AFF1: variants seen among roughly 807,000 people sequenced by gnomAD.
The protein encoded by AFF1 is AF4/FMR2 family member 1.
In AFF1, 48 loss-of-function variants were observed where a neutral mutation model predicts 121.7. The ratio of observed to expected loss-of-function variants is 0.39; its 90% CI spans 0.31 to 0.50. The LOEUF (loss-of-function observed/expected upper bound fraction) is 0.50, where lower values mean the gene tolerates loss of function less well. Ranked by LOEUF, AFF1 falls within the 20% of genes least tolerant of loss-of-function variation. AFF1 has a pLI of 0.76. For synonymous variants in AFF1, 613 were observed against 563.0 expected, an observed-to-expected ratio of 1.09 and a Z score of -1.26; for missense variants, 1,523 against 1,511.7, an observed-to-expected ratio of 1.01 and a Z score of -0.12.
intron 5 of AFF1, among the ~76,000 whole-genome samples, chr4:87,089,270 G>A (rs1205367090): frequency 6.6e-6 from 1 of 152,064 alleles, no homozygotes; most frequent in Non-Finnish European, 1.5e-5. Flanking sequence ...TGACATACCT[G>A]TTTTCAACAA....
intron 2 of AFF1, among the ~76,000 whole-genome samples, chr4:87,002,730 G>A (rs1187261943): frequency 1.3e-5 from 2 of 152,086 alleles, no homozygotes; most frequent in Non-Finnish European, 1.5e-5. Flanking sequence ...ATTAACGGGC[G>A]ATTTTACTCC....
At chr4:87,021,704 A>G (rs1194947753) in intron 2 of AFF1, among the ~76,000 whole-genome samples, 1 of 152,242 alleles carries the variant, frequency 6.6e-6, no homozygotes, top group Non-Finnish European at 1.5e-5. Flanking sequence ...TAATTTGTCT[A>G]AACATTTTCT....
intron 9 of AFF1, 32 bp downstream of exon 9, chr4:87,105,714 T>G: frequency 1.2e-6 from 2 of 1,613,396 alleles, no homozygotes; most frequent in African/African-American, 1.3e-5. Flanking sequence ...ATACCAGGAG[T>G]CCTTTTAAAT....
At chr4:87,013,527 T>A (rs979048727) in intron 2 of AFF1, among the ~76,000 whole-genome samples, 1 of 152,212 alleles carries the variant, frequency 6.6e-6, no homozygotes, top group African/African-American at 2.4e-5. Flanking sequence ...ACTCACTGTT[T>A]GACTGCATTC....
Position 86,941,956 on chromosome 4 carries a change from TC to T in AFF1, c.-36-6540del, listed in dbSNP as rs1401860435. ...TTTCCAATCCTCCGTTTTTTTTTTTTCCTTATAAATTGGAGTGAGCAATATA... is the reference window on the plus strand; with the variant it reads ...TTTCCAATCCTCCGTTTTTTTTTTTTCTTATAAATTGGAGTGAGCAATATA... On this transcript the variant is annotated intron_variant, in intron 1 of 20. Transcript: ENST00000395146. 3.0e-4 allele frequency among the ~76,000 whole-genome samples: 45 copies of T among 151,962 alleles called. 1 individual carries two copies. The highest frequency in any genetic ancestry group is 1.0e-3 in the African/African-American group (42 of 41,348).
intron 2 of AFF1, among the ~76,000 whole-genome samples, chr4:87,038,883 G>A (rs1729829014): frequency 6.6e-6 from 1 of 152,112 alleles, no homozygotes; most frequent in African/African-American, 2.4e-5. Flanking sequence ...ATTTAAACTC[G>A]AATTCTAGAG....
chr4:87,002,808 G>A (rs1396217486), intron 2 of AFF1, among the ~76,000 whole-genome samples: 1 of 152,094 alleles, frequency 6.6e-6, no homozygotes, highest in Non-Finnish European at 1.5e-5. Context: ...TGAAATCTGC[G>A]GAGCCTCACG....
At chr4:86,952,344 G>A (rs1721412872) in intron 2 of AFF1, among the ~76,000 whole-genome samples, 1 of 152,122 alleles carries the variant, frequency 6.6e-6, no homozygotes, top group Admixed American at 6.6e-5. Flanking sequence ...AAAATTTAAG[G>A]AGCTGAAGTA....
Position 87,114,955 on chromosome 4 carries a change from T to C in AFF1, c.2122T>C (p.Phe708Leu). Reference sequence around the variant, plus strand: ...TGTGGAGGACAGGACCCCTGAGCACTTTGCTCTTGTTCCCCTGACTGAGAG... The same window carrying C: ...TGTGGAGGACAGGACCCCTGAGCACCTTGCTCTTGTTCCCCTGACTGAGAG... The part of the protein sequence containing the change: ...DNVEDRTPEH[F>L]ALVPLTESQG... Residue 708 changes from phenylalanine to leucine, a missense_variant, in exon 12 of 21, where the codon TTT becomes CTT. Phe to Leu is a conservative substitution (Grantham distance 22). Coordinates refer to ENST00000395146, the MANE Select transcript of AFF1 (RefSeq NM_001166693.3). 1 of 1,613,072 alleles carries C rather than the reference T, an allele frequency of 6.2e-7. No homozygotes were observed.
At chr4:87,126,778 G>A (rs1229694433) in intron 14 of AFF1, among the ~76,000 whole-genome samples, 10 of 152,162 alleles carry the variant, frequency 6.6e-5, no homozygotes, top group African/African-American at 2.4e-4. Context: ...AAGAGAAAGT[G>A]TTATGTGTGG....
chr4:87,140,076 C>T lies in AFF1; in HGVS notation c.*4375C>T. ...CTACCTAAGAGGGCAGGAGGGAAAC[C>T]CTACAGCTCCTTGTGAGCCTATATA... On this transcript the variant is annotated 3_prime_UTR_variant, in exon 21 of 21. Transcript: ENST00000395146. 4.9e-6 allele frequency: 1 copy of T among 204,938 alleles called. No individual in the cohort carries two copies. Among genetic ancestry groups the T allele is most frequent in the African/African-American group, 2.3e-5 (1 of 43,830 alleles). The allele number at this position is 204,938 out of a possible 1,614,324, so 12.7% of individuals were successfully genotyped here.
chr4:87,064,785 T>G (rs1238855776), intron 4 of AFF1, among the ~76,000 whole-genome samples: 1 of 151,474 alleles, frequency 6.6e-6, no homozygotes, highest in Non-Finnish European at 1.5e-5. Context: ...GGAAGGAGAA[T>G]TGCTTGAACC....
intron 4 of AFF1, among the ~76,000 whole-genome samples, chr4:87,054,618 A>C (rs1169240757): frequency 6.6e-6 from 1 of 152,232 alleles, no homozygotes; most frequent in Admixed American, 6.5e-5. Context: ...TAGGAAATTG[A>C]TAGCAGAGTA....
chr4:87,043,889 G>A (rs1730408226), intron 2 of AFF1, among the ~76,000 whole-genome samples: 1 of 151,952 alleles, frequency 6.6e-6, no homozygotes, highest in Non-Finnish European at 1.5e-5. Context: ...TGCGATCTCA[G>A]CTCACTGCAG....
chr4:86,986,040 CAATTTAATTTAATTTAATTT>C (rs60227626), intron 2 of AFF1, among the ~76,000 whole-genome samples: 3 of 135,526 alleles, frequency 2.2e-5, no homozygotes, highest in Admixed American at 7.4e-5. Flanking sequence ...TAATTCAATT[CAATTTAATTTAATTTAATTT>C]AATTTAATTT....
At chr4:86,990,408 A>G (rs1724608125) in intron 2 of AFF1, among the ~76,000 whole-genome samples, 1 of 152,028 alleles carries the variant, frequency 6.6e-6, no homozygotes, top group South Asian at 2.1e-4. Flanking sequence ...TTCTTTGGTA[A>G]TATCCAAAGA....
chr4:87,043,908 T>G (rs1222204102), intron 2 of AFF1, among the ~76,000 whole-genome samples: 3 of 152,122 alleles, frequency 2.0e-5, no homozygotes, highest in Non-Finnish European at 4.4e-5. Context: ...AGCCTCCGCC[T>G]CCTGGGTTCA....
intron 2 of AFF1, among the ~76,000 whole-genome samples, chr4:87,004,823 G>A (rs550320176): frequency 3.3e-5 from 5 of 152,284 alleles, no homozygotes; most frequent in African/African-American, 1.2e-4. Context: ...ACTTCACACA[G>A]AAAGAGGATG....
At chr4:86,981,047 C>T (rs1337396967) in intron 2 of AFF1, among the ~76,000 whole-genome samples, 1 of 151,380 alleles carries the variant, frequency 6.6e-6, no homozygotes, top group Non-Finnish European at 1.5e-5. Flanking sequence ...GGGTCTCGCT[C>T]TGTCGCCCAG....
Sources: allele counts gnomAD v4.1 joint callset (sites outside exome capture counted in the v4.1 genomes callset), GRCh38; gene constraint gnomAD v4.1.1; transcripts MANE v1.5; gene names NCBI Gene and HGNC (gene_info 2026-07-23, HGNC 2026-07-21).